AKAP12: variants seen among roughly 807,000 people sequenced by gnomAD.
The protein encoded by AKAP12 is A-kinase anchor protein 12.
AKAP12 carries 32 observed loss-of-function variants against 79.9 expected under a neutral mutation model. The ratio of observed to expected loss-of-function variants is 0.40; its 90% CI spans 0.30 to 0.54. The LOEUF is 0.54. AKAP12 is among the 20% of genes least tolerant of loss of function. The pLI is 0.48. For missense variants in AKAP12, 2,074 were observed against 2,177.0 expected, an observed-to-expected ratio of 0.95 and a Z score of 0.94; for synonymous variants, 808 against 857.0, an observed-to-expected ratio of 0.94 and a Z score of 1.00.
At chr6:151,251,442 G>A (rs1471464675) in intron 2 of AKAP12, among the ~76,000 whole-genome samples, 1 of 152,212 alleles carries the variant, frequency 6.6e-6, no homozygotes. Flanking sequence ...GTGTGGTAGT[G>A]ACATCTCAGA....
In AKAP12 at chr6:151,350,799, C is replaced by A. The variant is rs1327931032; in HGVS notation, c.2408C>A (p.Ser803Tyr). ...GACACTGAACCCGGTAAAGAAGAAT[C>A]CTGGGTCTCAATCAAGAAGTTTATT... ...TPDTEPGKEESWVSIKKFIPG... is the reference protein window; with the variant it reads ...TPDTEPGKEEYWVSIKKFIPG... The change falls in exon 4 of 5, where the codon TCC becomes TAC. Residue 803 changes from serine to tyrosine, a missense_variant. Ser to Tyr is a moderately radical substitution (Grantham distance 144). This residue lies in a region of AKAP12 where 1,428 missense variants were observed against 1,451.0 expected (regional missense o/e 0.98). Coordinates refer to ENST00000402676, the MANE Select transcript of AKAP12 (RefSeq NM_005100.4). This position sits in a 1 kb window ranked among gnomAD's most constrained non-coding sequence, Gnocchi z 4.8. 3.1e-6 allele frequency: 5 copies of A among 1,613,974 alleles called. No individual in the cohort carries two copies. In the East Asian group the frequency reaches 1.1e-4, roughly 36 times the overall value.
chr6:151,289,604 G>T (rs1278237199), intron 2 of AKAP12, among the ~76,000 whole-genome samples: 1 of 152,190 alleles, frequency 6.6e-6, no homozygotes, highest in African/African-American at 2.4e-5. Flanking sequence ...TTGATAAGAA[G>T]GTTGCAAGAT....
chr6:151,290,857 G>A (rs1189303743), intron 2 of AKAP12, among the ~76,000 whole-genome samples: 2 of 152,142 alleles, frequency 1.3e-5, no homozygotes, highest in Non-Finnish European at 2.9e-5. Context: ...TGATCCGCCC[G>A]CCTCGGCCTA....
At chr6:151,329,762 A>C (rs1037524038) in intron 3 of AKAP12, among the ~76,000 whole-genome samples, 9 of 152,204 alleles carry the variant, frequency 5.9e-5, no homozygotes, top group South Asian at 4.1e-4. Context: ...CTAGTCTGGC[A>C]GGTGTTGTTC....
At position 151,293,521 on chromosome 6, in the gene AKAP12, G is replaced by C. The variant is rs183501264; in HGVS notation, c.163-12226G>C. Among the ~76,000 whole-genome samples the C allele has an allele frequency of 4.6e-3, 696 of 152,338 alleles. 10 individuals are homozygous for C. The highest frequency in any genetic ancestry group is 0.015 in the African/African-American group (622 of 41,574). On this transcript the variant is annotated intron_variant, in intron 2 of 4. Transcript: ENST00000402676. ...CCCAGGACAGCTGGTAGGTGCATCAGCTCAGAGCAGCGGGTGGTGGGGAAC... is the reference window on the plus strand; with the variant it reads ...CCCAGGACAGCTGGTAGGTGCATCACCTCAGAGCAGCGGGTGGTGGGGAAC...
At chr6:151,321,910 T>C (rs1327195202) in intron 3 of AKAP12, among the ~76,000 whole-genome samples, 4 of 145,472 alleles carry the variant, frequency 2.7e-5, no homozygotes, top group African/African-American at 5.2e-5. Context: ...TATGTTTTTT[T>C]TTTTTTTTTT....
rs559993319 is a variant in AKAP12 at position 151,325,140 on chromosome 6, G to T, written c.319+19237G>T. 7.1e-6 allele frequency: 7 copies of T among 985,448 alleles called. No individual in the cohort carries two copies. The South Asian group carries it at 2.3e-4, about 33-fold the overall frequency. The allele number at this position is 985,448 out of a possible 1,614,324, so 61.0% of individuals were successfully genotyped here. A position where few individuals can be genotyped will look rare whatever the true frequency, so the allele number is the denominator to read the frequency against. ...AGTTTAGGAAACAGCACTACTGAGA[G>T]TTGCCAGTCTTCAGAGCAGTGCAAC... On this transcript the variant is annotated intron_variant, in intron 3 of 4. Transcript: ENST00000402676.
At chr6:151,277,320 G>A (rs1171193793) in intron 2 of AKAP12, among the ~76,000 whole-genome samples, 1 of 152,178 alleles carries the variant, frequency 6.6e-6, no homozygotes, top group Admixed American at 6.5e-5. Context: ...AAGACAGCCT[G>A]GATTTTATCT....
chr6:151,347,147 T>C (rs930687043), intron 3 of AKAP12, among the ~76,000 whole-genome samples: 3 of 152,250 alleles, frequency 2.0e-5, no homozygotes, highest in African/African-American at 4.8e-5. Context: ...AGTTTGGGCA[T>C]TGGGAGCCCC....
chr6:151,285,397 TG>T (rs57959334), intron 2 of AKAP12, among the ~76,000 whole-genome samples: 32,876 of 149,740 alleles, frequency 0.22, 4,607 homozygotes, highest in East Asian at 0.58. Context: ...TGTGTGTGTG[TG>T]TGTGTGTGTG....
chr6:151,302,875 A>G (rs1776891134), intron 2 of AKAP12, among the ~76,000 whole-genome samples: 1 of 152,280 alleles, frequency 6.6e-6, no homozygotes, highest in African/African-American at 2.4e-5. Flanking sequence ...AGTCCTGTGT[A>G]CATACTCAAT....
At position 151,352,387 on chromosome 6, in the gene AKAP12, C is replaced by T. The variant is rs142473808; in HGVS notation, c.3996C>T (p.Pro1332=). The change falls in exon 4 of 5, where the codon CCC becomes CCT. Residue 1332 remains proline, a synonymous_variant. Transcript: ENST00000402676. ...LQSHAKSPPS[P]VEREMVVQVE... is the part of the protein sequence containing the mutation. The stretch of plus-strand genomic sequence containing the variant: ...GTCACGCTAAGTCTCCTCCATCCCC[C>T]GTGGAGAGAGAGATGGTAGTTCAAG... 126 of 1,614,094 alleles carry T rather than the reference C, an allele frequency of 7.8e-5. No individual in the cohort carries two copies. Among genetic ancestry groups the T allele is most frequent in the African/African-American group, 3.9e-4 (29 of 75,010 alleles).
chr6:151,313,840 A>G (rs930893158), intron 3 of AKAP12, among the ~76,000 whole-genome samples: 1 of 152,086 alleles, frequency 6.6e-6, no homozygotes, highest in Non-Finnish European at 1.5e-5. Flanking sequence ...GTCAGTTTTC[A>G]TCTATGAAAT....
At chr6:151,320,285 T>G (rs539277223) in intron 3 of AKAP12, among the ~76,000 whole-genome samples, 37 of 151,916 alleles carry the variant, frequency 2.4e-4, no homozygotes, top group African/African-American at 8.4e-4. Context: ...TGCTTGGTTT[T>G]TTGTTTTTGT....
intron 2 of AKAP12, among the ~76,000 whole-genome samples, chr6:151,266,976 C>T (rs1269057768): frequency 1.5e-5 from 2 of 136,158 alleles, no homozygotes; most frequent in African/African-American, 2.8e-5. Context: ...GAGATCGCGC[C>T]ACTGCACCAG....
At chr6:151,248,239 A>G (rs1797112659) in intron 2 of AKAP12, among the ~76,000 whole-genome samples, 1 of 151,298 alleles carries the variant, frequency 6.6e-6, no homozygotes, top group Admixed American at 6.6e-5. Flanking sequence ...TTAGAATCCC[A>G]GGCAATCTCA....
At chr6:151,324,853 A>C (rs1777483955) in intron 3 of AKAP12, 1 of 985,474 alleles carries the variant, frequency 1.0e-6, no homozygotes, top group East Asian at 1.1e-4. Flanking sequence ...ATGAGAAAGA[A>C]TTGAAGTATT....
chr6:151,353,767 C>T lies in AKAP12; in HGVS notation c.*12+15C>T, dbSNP rs772343350. ...ACATCATGCAGGTAAGCTTCCTTGT[C>T]TTCTAAGATAATTTTTCTCTTTTAT... is the stretch of plus-strand genomic sequence containing the variant. On this transcript the variant is annotated intron_variant, in intron 4 of 4. Transcript: ENST00000402676. 1.0e-4 allele frequency: 154 copies of T among 1,488,470 alleles called. 2 individuals are homozygous for T. In the Admixed American group the frequency reaches 3.8e-3, roughly 37 times the overall value. The allele number at this position is 1,488,470 out of a possible 1,614,324, so 92.2% of individuals were successfully genotyped here. A position where few individuals can be genotyped will look rare whatever the true frequency, so the allele number is the denominator to read the frequency against.
chr6:151,297,682 T>A lies in AKAP12; in HGVS notation c.163-8065T>A, dbSNP rs80009698. On this transcript the variant is annotated intron_variant, in intron 2 of 4. Transcript: ENST00000402676. ...GTGTAGCCGTACCCATGTCTTGAGG[T>A]GCAGCCCCGTGTGAATGTGTGTCCT... 1.4e-3 allele frequency among the ~76,000 whole-genome samples: 219 copies of A among 152,046 alleles called. 1 individual carries two copies. Among genetic ancestry groups the A allele is most frequent in the East Asian group, 0.01 (52 of 5,180 alleles).
Sources: gnomAD v4.1 joint callset for allele counts (sites outside exome capture counted in the v4.1 genomes callset) on GRCh38, gnomAD v4.1.1 for gene constraint, gnomAD v4.1.1 regional missense constraint, Gnocchi (gnomAD v3.1) non-coding constraint, MANE v1.5 for transcripts, NCBI Gene and HGNC (gene_info 2026-07-23, HGNC 2026-07-21) for gene names.